SMURF2: variants seen among roughly 807,000 people sequenced by gnomAD.
SMURF2 encodes the protein SMAD specific E3 ubiquitin protein ligase 2.
SMURF2 carries 48 observed loss-of-function variants against 109.6 expected under a neutral mutation model. The observed-to-expected ratio is 0.44, with a 90% CI of 0.35 to 0.56. SMURF2 has a LOEUF of 0.56. Ranked by LOEUF, SMURF2 falls within the 20% of genes least tolerant of loss-of-function variation. SMURF2 has a pLI of 0.01. For synonymous variants in SMURF2, 288 were observed against 317.1 expected (o/e 0.91, Z 0.97); for missense variants, 575 against 909.0 (o/e 0.63, Z 4.72).
intron 1 of SMURF2, among the ~76,000 whole-genome samples, chr17:64,637,923 C>CAAAAAAAAAAAAAAAAAAA (rs59701513): frequency 4.0e-4 from 29 of 72,546 alleles, no homozygotes; most frequent in African/African-American, 8.6e-4. Flanking sequence ...GCGCCCTAGT[C>CAAAAAAAAAAAAAAAAAAA]AAAAAAAAAA....
At position 64,607,057 on chromosome 17, in the gene SMURF2, G is replaced by C. The variant is rs527570188; in HGVS notation, c.53-417C>G. On this transcript the variant is annotated intron_variant, in intron 1 of 18. Transcript: ENST00000262435. ...ATAAAGATAAAGCTTTCCTGATATA[G>C]ATGAGTTTTTTTTCTTTTTTTTTTT... is the stretch of plus-strand genomic sequence containing the variant. Among the ~76,000 whole-genome samples, 631 of 149,778 alleles carry C rather than the reference G, an allele frequency of 4.2e-3. 4 individuals carry two copies. Among genetic ancestry groups the C allele is most frequent in the Non-Finnish European group, 6.2e-3 (421 of 67,602 alleles).
At chr17:64,569,578 A>C (rs1969369746) in intron 10 of SMURF2, among the ~76,000 whole-genome samples, 2 of 152,218 alleles carry the variant, frequency 1.3e-5, no homozygotes, top group South Asian at 2.1e-4. Flanking sequence ...ATAGTCAATA[A>C]ACCTATAAAA....
At chr17:64,621,087 T>C (rs1970194748) in intron 1 of SMURF2, among the ~76,000 whole-genome samples, 1 of 152,228 alleles carries the variant, frequency 6.6e-6, no homozygotes, top group Admixed American at 6.5e-5. Flanking sequence ...AAAATTTTAT[T>C]TGCCTTGTTT....
Position 64,547,466 on chromosome 17 carries a change from C to T in SMURF2, c.2071+134G>A. 1 of 734,530 alleles carries T rather than the reference C, an allele frequency of 1.4e-6. No individual in the cohort carries two copies. The highest frequency in any genetic ancestry group is 1.8e-5 in the South Asian group (1 of 55,818). 45.5% of individuals were successfully genotyped at this position (734,530 alleles called of 1,614,324 possible). ...AGAAAGGAGGGAGAAGAAGGTATCA[C>T]AATGTGAGAGTCACAGATAAGAAGT... On this transcript the variant is annotated intron_variant, in intron 17 of 18. Transcript: ENST00000262435. The surrounding 1 kb of genome is among the most constrained non-coding windows in gnomAD (Gnocchi z 4.2).
At chr17:64,556,192 G>C (rs1156232590) in intron 13 of SMURF2, among the ~76,000 whole-genome samples, 194 bp from the exon 14 acceptor site, 1 of 152,036 alleles carries the variant, frequency 6.6e-6, no homozygotes, top group Non-Finnish European at 1.5e-5. Flanking sequence ...ATATTACACA[G>C]GGTAATATGC....
Position 64,550,182 on chromosome 17 carries a change from TA to T in SMURF2, c.1869+1401del, listed in dbSNP as rs569446871. Among the ~76,000 whole-genome samples the T allele has an allele frequency of 2.4e-4, 36 of 152,364 alleles. No individual in the cohort carries two copies. In the South Asian group the frequency reaches 6.8e-3, roughly 29 times the overall value. ...CAAAAGGAATGGGGAGAGTATTAAGTAAAACCAACCTTTTTAGATTTGTTTG... is the reference window on the plus strand; with the variant it reads ...CAAAAGGAATGGGGAGAGTATTAAGTAAACCAACCTTTTTAGATTTGTTTG... On this transcript the variant is annotated intron_variant, in intron 16 of 18. Coordinates refer to ENST00000262435, the MANE Select transcript of SMURF2 (RefSeq NM_022739.4).
At chr17:64,572,504 A>T (rs1161205158) in intron 9 of SMURF2, among the ~76,000 whole-genome samples, 2 of 152,244 alleles carry the variant, frequency 1.3e-5, no homozygotes, top group Non-Finnish European at 2.9e-5. Context: ...AAAGTTAGTC[A>T]ATGAAGAACC....
At chr17:64,609,706 G>T (rs1157682259) in intron 1 of SMURF2, among the ~76,000 whole-genome samples, 1 of 128,244 alleles carries the variant, frequency 7.8e-6, no homozygotes, top group African/African-American at 4.2e-5. Context: ...TCAGGACACA[G>T]GCACGCACAA....
intron 5 of SMURF2, among the ~76,000 whole-genome samples, chr17:64,588,615 G>GTTTTTTGT (rs1217125487): frequency 6.6e-6 from 1 of 151,374 alleles, no homozygotes; most frequent in African/African-American, 2.4e-5. Flanking sequence ...TTTTTTGTTT[G>GTTTTTTGT]TTTTTTGTTT....
intron 1 of SMURF2, among the ~76,000 whole-genome samples, chr17:64,633,303 C>A (rs1350824599): frequency 6.6e-6 from 1 of 152,134 alleles, no homozygotes; most frequent in Non-Finnish European, 1.5e-5. Context: ...CAGATCTCTA[C>A]CTATAGATTC....
intron 8 of SMURF2, among the ~76,000 whole-genome samples, chr17:64,580,444 G>A (rs115499209): frequency 4.6e-5 from 7 of 152,058 alleles, no homozygotes; most frequent in African/African-American, 1.5e-4. Flanking sequence ...TCAGATTACC[G>A]TTATCAGTAA....
chr17:64,585,920 T>C (rs1225780405), intron 6 of SMURF2, among the ~76,000 whole-genome samples, 166 bp downstream of exon 6: 13 of 152,236 alleles, frequency 8.5e-5, no homozygotes, highest in African/African-American at 2.9e-4. Flanking sequence ...GCTTATTTTA[T>C]AAATTTGTCG....
At chr17:64,634,270 G>A (rs1447346154) in intron 1 of SMURF2, among the ~76,000 whole-genome samples, 2 of 152,166 alleles carry the variant, frequency 1.3e-5, no homozygotes, top group Non-Finnish European at 2.9e-5. Flanking sequence ...ATTTTCAGCT[G>A]GGCATTTCTT....
intron 16 of SMURF2, among the ~76,000 whole-genome samples, chr17:64,549,252 A>C (rs1386987495): frequency 1.5e-5 from 2 of 133,806 alleles, no homozygotes; most frequent in Non-Finnish European, 3.1e-5. Flanking sequence ...GACAAGTGAG[A>C]CTGTGTCTCC....
chr17:64,617,228 C>T (rs1970139199), intron 1 of SMURF2, among the ~76,000 whole-genome samples: 1 of 152,168 alleles, frequency 6.6e-6, no homozygotes, highest in East Asian at 1.9e-4. Flanking sequence ...TTTACCTCAA[C>T]AATCATATTA....
At chr17:64,642,283 A>G (rs1190597196) in intron 1 of SMURF2, among the ~76,000 whole-genome samples, 4 of 152,232 alleles carry the variant, frequency 2.6e-5, no homozygotes, top group African/African-American at 9.6e-5. Flanking sequence ...TGTAACTCAC[A>G]GAAAGCAAGG....
In SMURF2 at chr17:64,601,625, C is replaced by T. The variant is rs12450633; in HGVS notation, c.92-3135G>A. Among the ~76,000 whole-genome samples the T allele has an allele frequency of 3.4e-4, 51 of 152,148 alleles. 2 individuals are homozygous for T. The highest frequency in any genetic ancestry group is 2.9e-3 in the East Asian group (15 of 5,186). On this transcript the variant is annotated intron_variant, in intron 2 of 18. Coordinates refer to ENST00000262435, the MANE Select transcript of SMURF2 (RefSeq NM_022739.4). ...GTAATGTAAACTAGTACAACCACTA[C>T]GGAAAACAGTGTGGAGATTCCTTAA...
intron 1 of SMURF2, among the ~76,000 whole-genome samples, chr17:64,625,198 A>C (rs985397323): frequency 6.6e-6 from 1 of 152,194 alleles, no homozygotes; most frequent in East Asian, 1.9e-4. Flanking sequence ...GGGTGCCAAA[A>C]CTATATCCTC....
At chr17:64,582,012 G>A (rs1969584623) in intron 7 of SMURF2, among the ~76,000 whole-genome samples, 1 of 151,978 alleles carries the variant, frequency 6.6e-6, no homozygotes, top group East Asian at 1.9e-4. Context: ...TTTTATACAT[G>A]TAGAAATTCA....
Sources: allele counts gnomAD v4.1 joint callset (sites outside exome capture counted in the v4.1 genomes callset), GRCh38; gene constraint gnomAD v4.1.1; non-coding constraint Gnocchi (gnomAD v3.1); transcripts MANE v1.5; gene names NCBI Gene and HGNC (gene_info 2026-07-23, HGNC 2026-07-21).